CPNE4: variants seen among roughly 807,000 people sequenced by gnomAD.
The protein encoded by CPNE4 is copine 4, also known as copine-4.
A neutral mutation model predicts 67.9 loss-of-function variants in CPNE4; 25 were observed. That is an observed-to-expected ratio of 0.37 (90% CI 0.27 to 0.51). CPNE4 has a LOEUF of 0.51. CPNE4 is among the 20% of genes least tolerant of loss of function. The pLI, the probability that CPNE4 is intolerant of heterozygous loss-of-function variation, is 0.93. For missense variants in CPNE4, 464 were observed against 690.8 expected (o/e 0.67, Z 3.68); for synonymous variants, 242 against 244.9 (o/e 0.99, Z 0.11).
chr3:131,681,906 G>C (rs1583014074), intron 6 of CPNE4, among the ~76,000 whole-genome samples: 1 of 151,758 alleles, frequency 6.6e-6, no homozygotes, highest in Admixed American at 6.6e-5. Context: ...CAATTCTGCT[G>C]TTAGGATAAT....
intron 15 of CPNE4, among the ~76,000 whole-genome samples, chr3:131,538,403 G>T (rs942749026): frequency 6.6e-6 from 1 of 152,202 alleles, no homozygotes; most frequent in Non-Finnish European, 1.5e-5. Flanking sequence ...ATCTGTGCTG[G>T]CAAGCAAATA....
At chr3:131,807,252 A>C (rs1449120569) in intron 2 of CPNE4, among the ~76,000 whole-genome samples, 1 of 152,208 alleles carries the variant, frequency 6.6e-6, no homozygotes, top group Non-Finnish European at 1.5e-5. Context: ...CAGACACTGA[A>C]GCACCACAAA....
intron 7 of CPNE4, among the ~76,000 whole-genome samples, chr3:131,652,072 A>G (rs1253004138): frequency 6.6e-6 from 1 of 152,240 alleles, no homozygotes; most frequent in African/African-American, 2.4e-5. Context: ...TACTTGTTTT[A>G]ATAAATGGCT....
intron 10 of CPNE4, among the ~76,000 whole-genome samples, chr3:131,568,187 A>T (rs567136825): frequency 4.6e-5 from 7 of 152,056 alleles, no homozygotes; most frequent in Non-Finnish European, 1.0e-4. Context: ...AGAGTCAGCT[A>T]AAATATTTTC....
chr3:131,631,059 C>A (rs577724250), intron 7 of CPNE4, among the ~76,000 whole-genome samples: 1 of 152,296 alleles, frequency 6.6e-6, no homozygotes, highest in South Asian at 2.1e-4. Context: ...ACTTGGATGA[C>A]CTCCCAGGCC....
chr3:131,834,222 C>G (rs1270696824), intron 2 of CPNE4, among the ~76,000 whole-genome samples: 1 of 152,128 alleles, frequency 6.6e-6, no homozygotes, highest in East Asian at 1.9e-4. Context: ...TAACCTTTAT[C>G]TTCCTGAATT....
intron 2 of CPNE4, among the ~76,000 whole-genome samples, chr3:131,770,147 T>C (rs1409422224): frequency 6.6e-6 from 1 of 152,206 alleles, no homozygotes; most frequent in Non-Finnish European, 1.5e-5. Context: ...TCACCCAACA[T>C]GTCTTCACAA....
intron 7 of CPNE4, among the ~76,000 whole-genome samples, chr3:131,601,221 AC>A (rs1478562867): frequency 1.2e-4 from 18 of 152,304 alleles, no homozygotes; most frequent in African/African-American, 3.4e-4. Context: ...GGTGGGAATT[AC>A]TTTTTGTTCT....
chr3:131,878,471 G>A (rs1474842223), intron 2 of CPNE4, among the ~76,000 whole-genome samples: 1 of 152,210 alleles, frequency 6.6e-6, no homozygotes, highest in African/African-American at 2.4e-5. Flanking sequence ...CACAGAATGA[G>A]GGGCAGTAAA....
chr3:131,813,415 T>C, intron 2 of CPNE4, among the ~76,000 whole-genome samples: 1 of 149,826 alleles, frequency 6.7e-6, no homozygotes, highest in East Asian at 1.9e-4. Context: ...AACGTATATA[T>C]GTATGTGTGT....
intron 13 of CPNE4, among the ~76,000 whole-genome samples, chr3:131,552,064 G>GA (rs5852631): frequency 1.7e-3 from 212 of 124,762 alleles, no homozygotes; most frequent in African/African-American, 4.5e-3. Context: ...ATGAAGTTGT[G>GA]AAAAAAAAAA....
intron 2 of CPNE4, among the ~76,000 whole-genome samples, chr3:131,828,774 A>C (rs1237836190): frequency 1.3e-5 from 2 of 152,146 alleles, no homozygotes; most frequent in Non-Finnish European, 2.9e-5. Context: ...TTGAGGCTGC[A>C]GTGAGCTTCT....
chr3:131,949,977 T>C lies in CPNE4; in HGVS notation c.-1-44533A>G, dbSNP rs1477773862. On this transcript the variant is annotated intron_variant, in intron 1 of 15. Coordinates refer to ENST00000429747, the MANE Select transcript of CPNE4 (RefSeq NM_130808.3). ...TGTTGTCACCATTACAAATAATGAATACTTTTATACATATCTTCTGGAGCA... is the reference window on the plus strand; with the variant it reads ...TGTTGTCACCATTACAAATAATGAACACTTTTATACATATCTTCTGGAGCA... Among the ~76,000 whole-genome samples, 4 of 152,198 alleles carry C rather than the reference T, an allele frequency of 2.6e-5. No individual in the cohort carries two copies. In the East Asian group the frequency reaches 7.7e-4, roughly 29 times the overall value.
intron 5 of CPNE4, among the ~76,000 whole-genome samples, chr3:131,689,057 G>A (rs1278017460): frequency 6.6e-6 from 1 of 152,152 alleles, no homozygotes; most frequent in African/African-American, 2.4e-5. Context: ...ATGAAAGAAA[G>A]GTCAAGAATG....
At chr3:132,015,027 T>C (rs913409119) in intron 1 of CPNE4, among the ~76,000 whole-genome samples, 2 of 152,230 alleles carry the variant, frequency 1.3e-5, no homozygotes, top group Non-Finnish European at 2.9e-5. Context: ...ATTCTGCTGC[T>C]CAAATATATA....
At chr3:131,909,664 T>C (rs1301263690) in intron 1 of CPNE4, among the ~76,000 whole-genome samples, 2 of 152,066 alleles carry the variant, frequency 1.3e-5, no homozygotes, top group African/African-American at 4.8e-5. Flanking sequence ...TAGTCTGAGG[T>C]TCTCGTTGGC....
rs186053419 is a variant in CPNE4, at chr3:131,986,678, C to T, written c.-2+47889G>A. On this transcript the variant is annotated intron_variant, in intron 1 of 15. Coordinates refer to ENST00000429747, the MANE Select transcript of CPNE4 (RefSeq NM_130808.3). ...TTTGGGAGGCCAGGCAGGCGGATCA[C>T]GAGGTTAGAAGTTCGAGACCATCCT... Among the ~76,000 whole-genome samples, 24 of 152,052 alleles carry T rather than the reference C, an allele frequency of 1.6e-4. No homozygotes were observed. The East Asian group carries it at 4.4e-3, about 28-fold the overall frequency.
intron 7 of CPNE4, among the ~76,000 whole-genome samples, chr3:131,613,037 G>T (rs2107744647): frequency 6.6e-6 from 1 of 152,302 alleles, no homozygotes; most frequent in African/African-American, 2.4e-5. Context: ...GTCTTTCAGA[G>T]ACATTTGGTT....
intron 2 of CPNE4, among the ~76,000 whole-genome samples, chr3:131,724,965 T>G (rs1440080757): frequency 6.6e-6 from 1 of 152,192 alleles, no homozygotes; most frequent in African/African-American, 2.4e-5. Context: ...TAACCCAAGA[T>G]TCTATAGCAT....
Sources: gnomAD v4.1 joint callset for allele counts (sites outside exome capture counted in the v4.1 genomes callset) on GRCh38, gnomAD v4.1.1 for gene constraint, MANE v1.5 for transcripts, NCBI Gene and HGNC (gene_info 2026-07-23, HGNC 2026-07-21) for gene names.